Variants in PDE4D observed in about 807,000 individuals in gnomAD.
PDE4D encodes the protein phosphodiesterase 4D.
A neutral mutation model predicts 87.4 loss-of-function variants in PDE4D; 24 were observed. The ratio of observed to expected loss-of-function variants is 0.27; its 90% CI spans 0.20 to 0.39. PDE4D has a LOEUF of 0.39. Among genes scored for constraint, PDE4D ranks in the 10% least tolerant of loss-of-function variants. The pLI, the probability that PDE4D is intolerant of heterozygous loss-of-function variation, is 1.00. For synonymous variants in PDE4D, 384 were observed against 383.2 expected, an observed-to-expected ratio of 1.00 and a Z score of -0.02; for missense variants, 714 against 1,041.0, an observed-to-expected ratio of 0.69 and a Z score of 4.32.
At chr5:59,508,635 T>A (rs1050949356) in intron 1 of PDE4D, among the ~76,000 whole-genome samples, 4 of 151,762 alleles carry the variant, frequency 2.6e-5, no homozygotes, top group Non-Finnish European at 5.9e-5. Flanking sequence ...ATTACAGATA[T>A]TGGAACTATC....
intron 1 of PDE4D, among the ~76,000 whole-genome samples, chr5:59,254,133 G>A (rs998210257): frequency 3.3e-5 from 5 of 151,994 alleles, no homozygotes; most frequent in African/African-American, 7.2e-5. Flanking sequence ...GAAACTGTGC[G>A]GAAAGTAAAG....
At chr5:60,075,238 G>A (rs1367682618) in intron 2 of PDE4D, among the ~76,000 whole-genome samples, 1 of 152,178 alleles carries the variant, frequency 6.6e-6, no homozygotes, top group Non-Finnish European at 1.5e-5. Context: ...TTGTTTGTCT[G>A]AAAAGGATCT....
chr5:59,769,306 G>A (rs1241129573), intron 1 of PDE4D, among the ~76,000 whole-genome samples: 1 of 151,954 alleles, frequency 6.6e-6, no homozygotes, highest in African/African-American at 2.4e-5. Flanking sequence ...TATTAATTAG[G>A]GCCCTTTCAA....
chr5:60,333,035 C>A (rs779633810), intron 1 of PDE4D, among the ~76,000 whole-genome samples: 1 of 152,186 alleles, frequency 6.6e-6, no homozygotes, highest in African/African-American at 2.4e-5. Flanking sequence ...GAAGGTCAAC[C>A]AGCTGGCTGG....
chr5:59,275,106 C>T (rs1764543214), intron 1 of PDE4D, among the ~76,000 whole-genome samples: 2 of 151,844 alleles, frequency 1.3e-5, no homozygotes, highest in African/African-American at 4.8e-5. Flanking sequence ...AGTTTCTTTC[C>T]TCCTTTAAAA....
chr5:59,577,474 G>A (rs1290831383), intron 1 of PDE4D, among the ~76,000 whole-genome samples: 2 of 152,116 alleles, frequency 1.3e-5, no homozygotes, highest in Non-Finnish European at 2.9e-5. Flanking sequence ...ACAGAAATGA[G>A]TAAATTAACT....
At chr5:59,877,058 T>C (rs2152742667) in intron 1 of PDE4D, among the ~76,000 whole-genome samples, 1 of 152,284 alleles carries the variant, frequency 6.6e-6, no homozygotes, top group African/African-American at 2.4e-5. Context: ...TTATACCATA[T>C]TTACAACTCT....
chr5:58,975,570 T>A lies in PDE4D; in HGVS notation c.2013+87A>T. The A allele has an allele frequency of 9.5e-7, 1 of 1,047,188 alleles. No individual in the cohort carries two copies. Among genetic ancestry groups the A allele is most frequent in the Non-Finnish European group, 1.3e-6 (1 of 776,676 alleles). 64.9% of individuals were successfully genotyped at this position (1,047,188 alleles called of 1,614,324 possible). On this transcript the variant is annotated intron_variant, in intron 14 of 14. Transcript: ENST00000340635. The surrounding 1 kb of genome is among the most constrained non-coding windows in gnomAD (Gnocchi z 4.2). ...AAACAAAGTAATTTTAAAAATCCAGTAAAATACTATCATATGTAATACAAA... is the reference window on the plus strand; with the variant it reads ...AAACAAAGTAATTTTAAAAATCCAGAAAAATACTATCATATGTAATACAAA...
chr5:59,092,395 A>T (rs1018980391), intron 5 of PDE4D, among the ~76,000 whole-genome samples: 9 of 152,182 alleles, frequency 5.9e-5, no homozygotes, highest in Non-Finnish European at 1.0e-4. Context: ...CATAAGTCTC[A>T]TGCAGTCCTC....
chr5:59,523,160 T>G (rs1402434202), intron 1 of PDE4D, among the ~76,000 whole-genome samples: 2 of 152,194 alleles, frequency 1.3e-5, no homozygotes, highest in African/African-American at 4.8e-5. Context: ...CATTTTGCTC[T>G]CAAACACCCA....
intron 5 of PDE4D, among the ~76,000 whole-genome samples, chr5:59,140,200 A>C (rs978870646): frequency 3.9e-5 from 6 of 152,250 alleles, no homozygotes; most frequent in Non-Finnish European, 7.3e-5. Context: ...GGCAACAGAG[A>C]TGCTGGGAGC....
chr5:60,037,322 A>G (rs546269611), intron 2 of PDE4D, among the ~76,000 whole-genome samples: 7 of 152,326 alleles, frequency 4.6e-5, no homozygotes, highest in Admixed American at 2.6e-4. Flanking sequence ...TAACATTTCA[A>G]TGGAAAAAAG....
chr5:59,449,750 T>A lies in PDE4D; in HGVS notation c.456-233782A>T, dbSNP rs372574982. ...TATGTTGGTGGGGGATATGGCAGGG[T>A]GTGTAATTAGTTAAGAGTGGCAGGA... On this transcript the variant is annotated intron_variant, in intron 1 of 14. Transcript: ENST00000340635. Among the ~76,000 whole-genome samples, 566 of 152,016 alleles carry A rather than the reference T, an allele frequency of 3.7e-3. 7 individuals carry two copies. The highest frequency in any genetic ancestry group is 0.013 in the African/African-American group (530 of 41,486).
chr5:59,885,384 T>A (rs1005306042), intron 1 of PDE4D, among the ~76,000 whole-genome samples: 8 of 152,164 alleles, frequency 5.3e-5, no homozygotes, highest in Non-Finnish European at 1.2e-4. Flanking sequence ...CCTCTGACCT[T>A]ATCTGTCTGA....
intron 1 of PDE4D, among the ~76,000 whole-genome samples, chr5:60,263,935 A>C (rs1268631529): frequency 6.6e-6 from 1 of 152,074 alleles, no homozygotes; most frequent in East Asian, 1.9e-4. Context: ...CTACATGTGA[A>C]AAAATAATAA....
chr5:60,462,392 T>C (rs1258507250), intron 1 of PDE4D, among the ~76,000 whole-genome samples: 1 of 151,998 alleles, frequency 6.6e-6, no homozygotes, highest in Non-Finnish European at 1.5e-5. Context: ...ACAAGGATCC[T>C]CCAGTTGCAC....
At chr5:59,933,793 A>ATATATATATATATATATATATATATATAT (rs1343398649) in intron 3 of PDE4D, among the ~76,000 whole-genome samples, 4 of 35,624 alleles carry the variant, frequency 1.1e-4, no homozygotes, top group African/African-American at 6.3e-4. Flanking sequence ...TATATATATT[A>ATATATATATATATATATATATATATATAT]ATAAGCATTC....
At chr5:59,492,986 C>T (rs1028002830) in intron 1 of PDE4D, among the ~76,000 whole-genome samples, 3 of 152,234 alleles carry the variant, frequency 2.0e-5, no homozygotes, top group African/African-American at 7.2e-5. Context: ...TCCCTTAAAC[C>T]TCTTTTTCTT....
chr5:60,213,607 C>T (rs1467025900), intron 1 of PDE4D, among the ~76,000 whole-genome samples: 4 of 152,158 alleles, frequency 2.6e-5, no homozygotes, highest in Non-Finnish European at 5.9e-5. Context: ...ATTCTCTTCC[C>T]CCGTTGACAA....
Sources: allele counts gnomAD v4.1 joint callset (sites outside exome capture counted in the v4.1 genomes callset), GRCh38; gene constraint gnomAD v4.1.1; non-coding constraint Gnocchi (gnomAD v3.1); transcripts MANE v1.5; gene names NCBI Gene and HGNC (gene_info 2026-07-23, HGNC 2026-07-21).